The following PICALM variants were observed in gnomAD, a reference collection of about 807,000 sequenced individuals.
The protein encoded by PICALM is phosphatidylinositol binding clathrin assembly protein, also known as phosphatidylinositol-binding clathrin assembly protein.
PICALM carries 40 observed loss-of-function variants against 80.5 expected under a neutral mutation model. The observed-to-expected ratio is 0.50, with a 90% CI of 0.39 to 0.65. PICALM has a LOEUF of 0.65. Ranked by LOEUF, PICALM falls within the 30% of genes least tolerant of loss-of-function variation. PICALM has a pLI of 0.00. For missense variants in PICALM, 676 were observed against 778.9 expected (o/e 0.87, Z 1.57); for synonymous variants, 288 against 260.3 (o/e 1.11, Z -1.02).
intron 4 of PICALM, among the ~76,000 whole-genome samples, chr11:86,017,222 C>T (rs1291024694): frequency 7.3e-6 from 1 of 137,016 alleles, no homozygotes; most frequent in African/African-American, 2.7e-5. Flanking sequence ...GACTCTGTCT[C>T]AAAAAAAAAA....
At chr11:86,059,974 G>C (rs1446642857) in intron 1 of PICALM, among the ~76,000 whole-genome samples, 2 of 151,120 alleles carry the variant, frequency 1.3e-5, no homozygotes, top group Non-Finnish European at 2.9e-5. Flanking sequence ...AGACTTTTTT[G>C]CCCCAGCAGT....
intron 12 of PICALM, among the ~76,000 whole-genome samples, chr11:85,993,871 A>G (rs1482146446): frequency 2.0e-5 from 3 of 151,862 alleles, no homozygotes; most frequent in African/African-American, 7.3e-5. Flanking sequence ...ACATTCACAC[A>G]CACTAAACTG....
intron 8 of PICALM, among the ~76,000 whole-genome samples, chr11:86,004,512 C>T (rs1385370043): frequency 1.3e-5 from 2 of 150,796 alleles, no homozygotes; most frequent in Non-Finnish European, 3.0e-5. Context: ...TGAATACTTA[C>T]GTTTTTTTTT....
Position 86,035,947 on chromosome 11 carries a change from CA to C in PICALM, c.131-4337del, listed in dbSNP as rs543040504. 7.9e-3 allele frequency among the ~76,000 whole-genome samples: 528 copies of C among 66,488 alleles called. 1 individual carries two copies. The highest frequency in any genetic ancestry group is 0.026 in the African/African-American group (432 of 16,916). 43.6% of individuals were successfully genotyped at this position (66,488 alleles called of 152,430 possible). On this transcript the variant is annotated intron_variant, in intron 1 of 19. Transcript: ENST00000393346. ...TGGCCTACAGAGCGAGACTCTGCCT[CA>C]AAAAAAAAAAAAAAAAAGAAAAAAA...
chr11:85,962,902 C>T (rs1338095568), intron 19 of PICALM, among the ~76,000 whole-genome samples: 1 of 152,212 alleles, frequency 6.6e-6, no homozygotes, highest in Admixed American at 6.5e-5. Context: ...TTCCAAAGCA[C>T]AGACACACCA....
chr11:86,023,073 C>CT (rs2095594285), intron 3 of PICALM, among the ~76,000 whole-genome samples: 1 of 152,128 alleles, frequency 6.6e-6, no homozygotes. Flanking sequence ...ATGACCTTGA[C>CT]TTGAAAACTT....
At position 86,031,442 on chromosome 11, in the gene PICALM, T is replaced by C. The variant is rs556915003; in HGVS notation, c.273+27A>G. On this transcript the variant is annotated intron_variant, in intron 2 of 19. Coordinates refer to ENST00000393346, the MANE Select transcript of PICALM (RefSeq NM_007166.4). ...CTAACAATAAGTCAACACATCAGTATACTTGTTCAATAAAAATTCTGCTTA... is the reference window on the plus strand; with the variant it reads ...CTAACAATAAGTCAACACATCAGTACACTTGTTCAATAAAAATTCTGCTTA... The C allele has an allele frequency of 9.8e-5, 155 of 1,584,606 alleles. 2 individuals carry two copies. The South Asian group carries it at 1.7e-3, about 17-fold the overall frequency.
At chr11:86,025,236 C>G (rs1415726527) in intron 3 of PICALM, among the ~76,000 whole-genome samples, 21 of 152,228 alleles carry the variant, frequency 1.4e-4, no homozygotes, top group African/African-American at 4.6e-4. Flanking sequence ...CCCATCTCTA[C>G]TAAAGATACA....
At chr11:85,966,595 C>G (rs2093907803) in intron 19 of PICALM, among the ~76,000 whole-genome samples, 1 of 152,282 alleles carries the variant, frequency 6.6e-6, no homozygotes, top group Admixed American at 6.5e-5. Context: ...GCTGAGGAGT[C>G]AAGTCAAGAC....
At chr11:86,013,320 A>G (rs1452929578) in intron 5 of PICALM, among the ~76,000 whole-genome samples, 1 of 152,196 alleles carries the variant, frequency 6.6e-6, no homozygotes, top group Non-Finnish European at 1.5e-5. Context: ...GTCTCAAAAA[A>G]ACAAAAAAAA....
At chr11:86,057,065 A>G (rs1273013175) in intron 1 of PICALM, among the ~76,000 whole-genome samples, 3 of 152,116 alleles carry the variant, frequency 2.0e-5, no homozygotes, top group African/African-American at 7.2e-5. Context: ...GGTGATGGAA[A>G]ATGTTCTAGA....
chr11:86,035,046 C>T lies in PICALM; in HGVS notation c.131-3435G>A, dbSNP rs1029160291. Reference sequence around the variant, plus strand: ...AACTAGCCAATTTAATACACGTTCTCGACTGAAAACTAATTAAAAACAAAA... The same window carrying T: ...AACTAGCCAATTTAATACACGTTCTTGACTGAAAACTAATTAAAAACAAAA... On this transcript the variant is annotated intron_variant, in intron 1 of 19. Coordinates refer to ENST00000393346, the MANE Select transcript of PICALM (RefSeq NM_007166.4). 4.0e-5 allele frequency among the ~76,000 whole-genome samples: 6 copies of T among 151,626 alleles called. No homozygotes were observed. The South Asian group carries it at 1.0e-3, about 26-fold the overall frequency.
rs573309999 is a variant in PICALM at position 86,001,618 on chromosome 11, G to C, written c.894-460C>G. 4.6e-5 allele frequency among the ~76,000 whole-genome samples: 7 copies of C among 152,286 alleles called. No individual in the cohort carries two copies. The South Asian group carries it at 1.5e-3, about 32-fold the overall frequency. ...ACCAGTAACACGTAACGTAAGTCTA[G>C]GTATGTTTCACCTATAACAACATCC... On this transcript the variant is annotated intron_variant, in intron 9 of 19. Transcript: ENST00000393346.
At position 85,959,020 on chromosome 11, in the gene PICALM, G is replaced by T. The variant is rs2093597502; in HGVS notation, c.*26C>A. The stretch of plus-strand genomic sequence containing the variant: ...TGCTGCTTGAGCACTTGTCTTTTTG[G>T]AGTAATTCCATTTTCTTCCATCAAG... On this transcript the variant is annotated 3_prime_UTR_variant, in exon 20 of 20. Coordinates refer to ENST00000393346, the MANE Select transcript of PICALM (RefSeq NM_007166.4). 6.3e-7 allele frequency: 1 copy of T among 1,577,424 alleles called. No individual in the cohort carries two copies. Among genetic ancestry groups the T allele is most frequent in the Non-Finnish European group, 8.7e-7 (1 of 1,154,620 alleles).
intron 1 of PICALM, among the ~76,000 whole-genome samples, chr11:86,057,187 T>C (rs921113385): frequency 5.9e-5 from 9 of 151,952 alleles, no homozygotes; most frequent in African/African-American, 1.9e-4. Context: ...AATTTTAAAA[T>C]TGCAAAAAAA....
At chr11:85,975,746 G>A (rs140466359) in intron 18 of PICALM, among the ~76,000 whole-genome samples, 76 of 151,922 alleles carry the variant, frequency 5.0e-4, no homozygotes, top group Non-Finnish European at 6.6e-4. Flanking sequence ...ACAGGTGTGC[G>A]CCACCATACC....
intron 19 of PICALM, among the ~76,000 whole-genome samples, chr11:85,968,991 C>G (rs1381645674): frequency 1.7e-5 from 2 of 115,864 alleles, no homozygotes. Flanking sequence ...CACACACACA[C>G]ACACACGGAG....
At chr11:86,001,467 G>A (rs898116862) in intron 9 of PICALM, among the ~76,000 whole-genome samples, 1 of 152,192 alleles carries the variant, frequency 6.6e-6, no homozygotes, top group African/African-American at 2.4e-5. Flanking sequence ...AGTGCAATTG[G>A]GAAAGAGCCC....
At chr11:86,053,774 C>T (rs2096228754) in intron 1 of PICALM, among the ~76,000 whole-genome samples, 1 of 151,990 alleles carries the variant, frequency 6.6e-6, no homozygotes, top group South Asian at 2.1e-4. Context: ...CACTATGTCA[C>T]CCAGGCTGGT....
Sources: allele counts gnomAD v4.1 joint callset (sites outside exome capture counted in the v4.1 genomes callset), GRCh38; gene constraint gnomAD v4.1.1; transcripts MANE v1.5; gene names NCBI Gene and HGNC (gene_info 2026-07-23, HGNC 2026-07-21).